ARHGAP10: variants seen among roughly 807,000 people sequenced by gnomAD.
ARHGAP10 encodes the protein Rho GTPase activating protein 10.
ARHGAP10 carries 87 observed loss-of-function variants against 108.6 expected under a neutral mutation model. The ratio of observed to expected loss-of-function variants is 0.80; its 90% confidence interval spans 0.67 to 0.96. ARHGAP10 has a LOEUF of 0.96. Among genes scored for constraint, ARHGAP10 ranks in the 40% least tolerant of loss-of-function variants. The pLI is 0.00. For synonymous variants in ARHGAP10, 347 were observed against 341.1 expected (o/e 1.02, Z -0.19); for missense variants, 939 against 954.5 (o/e 0.98, Z 0.21).
At chr4:147,975,619 G>C (rs2149622519) in intron 18 of ARHGAP10, among the ~76,000 whole-genome samples, 1 of 152,308 alleles carries the variant, frequency 6.6e-6, no homozygotes, top group Admixed American at 6.5e-5. Flanking sequence ...ATGTGCAAGT[G>C]AGTGAGGGCC....
chr4:147,939,433 A>G (rs1281923701), intron 13 of ARHGAP10, among the ~76,000 whole-genome samples: 4 of 152,244 alleles, frequency 2.6e-5, no homozygotes, highest in African/African-American at 9.6e-5. Flanking sequence ...ATTTCTATGT[A>G]CTAATCATCA....
At chr4:147,905,749 G>GT (rs1159422909) in intron 10 of ARHGAP10, among the ~76,000 whole-genome samples, 13 of 149,448 alleles carry the variant, frequency 8.7e-5, no homozygotes, top group African/African-American at 2.7e-4. Flanking sequence ...CTTTAAAGTA[G>GT]TTTTTTCCAG....
chr4:147,911,994 C>T (rs76200988), intron 12 of ARHGAP10, among the ~76,000 whole-genome samples: 17,498 of 135,326 alleles, frequency 0.13, 2,800 homozygotes, highest in African/African-American at 0.37. Context: ...AGAACATTCA[C>T]GTGTGTGTGT....
intron 1 of ARHGAP10, among the ~76,000 whole-genome samples, chr4:147,803,806 A>G (rs1285590024): frequency 6.6e-6 from 1 of 152,152 alleles, no homozygotes; most frequent in Non-Finnish European, 1.5e-5. Context: ...ATATCTATCT[A>G]TAGACCATGT....
intron 10 of ARHGAP10, among the ~76,000 whole-genome samples, chr4:147,900,334 T>G (rs1156691357): frequency 6.6e-6 from 1 of 152,212 alleles, no homozygotes; most frequent in Non-Finnish European, 1.5e-5. Context: ...TAAAAAGAAT[T>G]TATGAATTTA....
chr4:147,982,365 C>CTTTTTTTTT (rs70958599), intron 18 of ARHGAP10, among the ~76,000 whole-genome samples: 18 of 124,628 alleles, frequency 1.4e-4, no homozygotes, highest in African/African-American at 3.5e-4. Context: ...TTCTTTCTTT[C>CTTTTTTTTT]TTTTTTTTTT....
chr4:148,009,840 G>A (rs952594341), intron 18 of ARHGAP10, among the ~76,000 whole-genome samples: 5 of 152,120 alleles, frequency 3.3e-5, no homozygotes, highest in Non-Finnish European at 7.3e-5. Context: ...CCTTTGAGTC[G>A]AGTTTCCTTT....
intron 1 of ARHGAP10, among the ~76,000 whole-genome samples, chr4:147,803,955 A>G (rs1119887): frequency 0.12 from 18,293 of 148,804 alleles, 3,170 homozygotes; most frequent in African/African-American, 0.39. Flanking sequence ...TAAATATTCG[A>G]TAGTGGGAAT....
chr4:147,732,128 C>T lies in ARHGAP10; in HGVS notation c.-174C>T, dbSNP rs1171985676. 8.6e-6 allele frequency: 4 copies of T among 466,524 alleles called. No individual in the cohort carries two copies. The highest frequency in any genetic ancestry group is 2.1e-5 in the African/African-American group (1 of 48,606). The allele number at this position is 466,524 out of a possible 1,614,324, so 28.9% of individuals were successfully genotyped here. On this transcript the variant is annotated 5_prime_UTR_variant, in exon 1 of 23. Coordinates refer to ENST00000336498, the MANE Select transcript of ARHGAP10 (RefSeq NM_024605.4). ...GCGCTGGTCTCGGTGGCAGCTCCTCCGCGCCGCAGGACTCGGCTCTACGGG... is the reference window on the plus strand; with the variant it reads ...GCGCTGGTCTCGGTGGCAGCTCCTCTGCGCCGCAGGACTCGGCTCTACGGG...
At chr4:147,829,423 G>A (rs13116821) in intron 3 of ARHGAP10, among the ~76,000 whole-genome samples, 21,935 of 151,636 alleles carry the variant, frequency 0.14, 2,235 homozygotes, top group African/African-American at 0.3. Context: ...TCCTGACCTC[G>A]GGTGATCCAC....
intron 10 of ARHGAP10, among the ~76,000 whole-genome samples, chr4:147,896,201 G>A (rs116765933): frequency 8.7e-4 from 133 of 152,140 alleles, no homozygotes; most frequent in African/African-American, 3.1e-3. Context: ...CTCTGGTTTT[G>A]GTACCAAGGT....
intron 1 of ARHGAP10, among the ~76,000 whole-genome samples, chr4:147,814,243 T>G (rs1732143410): frequency 1.3e-5 from 2 of 152,132 alleles, no homozygotes; most frequent in Non-Finnish European, 2.9e-5. Flanking sequence ...CATCGTGGCT[T>G]GTCTTGGATC....
Position 147,899,785 on chromosome 4 carries a change from AT to A in ARHGAP10, c.1035-6851del, listed in dbSNP as rs1186714166. Among the ~76,000 whole-genome samples, 18 of 151,914 alleles carry A rather than the reference AT, an allele frequency of 1.2e-4. 1 individual carries two copies. Among genetic ancestry groups the A allele is most frequent in the African/African-American group, 4.3e-4 (18 of 41,482 alleles). ...TTCCCAGAAACTCTATGAGAAACTG[AT>A]TACATTTCTATAACTTTAAAAACTT... On this transcript the variant is annotated intron_variant, in intron 10 of 22. Coordinates refer to ENST00000336498, the MANE Select transcript of ARHGAP10 (RefSeq NM_024605.4).
intron 20 of ARHGAP10, among the ~76,000 whole-genome samples, chr4:148,053,177 A>T (rs756185065): frequency 1.3e-5 from 2 of 152,220 alleles, no homozygotes; most frequent in Non-Finnish European, 2.9e-5. Flanking sequence ...CCACACAAGC[A>T]GTAAAGGACA....
In ARHGAP10 at chr4:147,953,070, T is replaced by C. The variant is rs113731047; in HGVS notation, c.1392-2246T>C. Among the ~76,000 whole-genome samples the C allele has an allele frequency of 3.9e-5, 6 of 152,100 alleles. 2 individuals carry two copies. Among genetic ancestry groups the C allele is most frequent in the African/African-American group, 1.4e-4 (6 of 41,566 alleles). ...TTTTCTTTTCATTTGGTGAAGTACA[T>C]TGATTTTTTTTTTAGATATTATGCT... On this transcript the variant is annotated intron_variant, in intron 15 of 22. Transcript: ENST00000336498.
chr4:147,976,865 C>G (rs1739615088), intron 18 of ARHGAP10, among the ~76,000 whole-genome samples: 1 of 152,056 alleles, frequency 6.6e-6, no homozygotes. Context: ...TTGAAGGGCT[C>G]CAATATAAAG....
chr4:148,038,500 A>G (rs567604869), intron 19 of ARHGAP10, among the ~76,000 whole-genome samples: 13 of 152,158 alleles, frequency 8.5e-5, no homozygotes, highest in African/African-American at 3.1e-4. Flanking sequence ...AGAGGTGTTG[A>G]TTCTTGAGGG....
chr4:147,808,984 T>G (rs940302021), intron 1 of ARHGAP10: 8 of 152,310 alleles, frequency 5.3e-5, no homozygotes, highest in Non-Finnish European at 7.3e-5. Flanking sequence ...GGCAGGAGGA[T>G]CTCTTGAGCC....
chr4:147,945,852 T>G (rs1206724519), intron 14 of ARHGAP10, among the ~76,000 whole-genome samples: 1 of 152,108 alleles, frequency 6.6e-6, no homozygotes, highest in East Asian at 1.9e-4. Flanking sequence ...TGGAACTTAT[T>G]AAGCTTAAGG....
Sources: allele counts gnomAD v4.1 joint callset (sites outside exome capture counted in the v4.1 genomes callset), GRCh38; gene constraint gnomAD v4.1.1; transcripts MANE v1.5; gene names NCBI Gene and HGNC (gene_info 2026-07-23, HGNC 2026-07-21).